The following TBL1XR1 variants were observed in gnomAD, a reference collection of about 807,000 sequenced individuals.
TBL1XR1 encodes F-box-like/WD repeat-containing protein TBL1XR1.
In TBL1XR1, 5 loss-of-function variants were observed where a neutral mutation model predicts 66.9. The observed-to-expected ratio is 0.07, with a 90% confidence interval of 0.04 to 0.16. The LOEUF (loss-of-function observed/expected upper bound fraction) is 0.16. Ranked by LOEUF, TBL1XR1 falls within the 10% of genes least tolerant of loss-of-function variation. The pLI is 1.00. For missense variants in TBL1XR1, 238 were observed against 623.2 expected (o/e 0.38, Z 6.58); for synonymous variants, 210 against 206.0 (o/e 1.02, Z -0.17).
intron 1 of TBL1XR1, among the ~76,000 whole-genome samples, chr3:177,137,980 T>C (rs1435973717): frequency 6.6e-6 from 1 of 151,858 alleles, no homozygotes; most frequent in Non-Finnish European, 1.5e-5. Flanking sequence ...AAAGATAAAA[T>C]GAAACAACAG....
chr3:177,084,321 C>G (rs1721860207), intron 2 of TBL1XR1, among the ~76,000 whole-genome samples: 1 of 152,156 alleles, frequency 6.6e-6, no homozygotes, highest in Admixed American at 6.5e-5. Context: ...CTTCTTCTTT[C>G]CCTTTCATAA....
At chr3:177,028,251 T>A (rs1022589555) in intron 14 of TBL1XR1, among the ~76,000 whole-genome samples, 1 of 152,176 alleles carries the variant, frequency 6.6e-6, no homozygotes, top group Non-Finnish European at 1.5e-5. Context: ...AGGATAATGA[T>A]TTTCTCCTGC....
intron 1 of TBL1XR1, among the ~76,000 whole-genome samples, chr3:177,137,137 G>A (rs1423541329): frequency 6.6e-6 from 1 of 151,904 alleles, no homozygotes; most frequent in Admixed American, 6.6e-5. Flanking sequence ...TATGGGGGGG[G>A]AAAGATGACT....
At chr3:177,187,739 G>GAAAAGAGAAACACAAAAGGTTATC (rs1227414576) in intron 1 of TBL1XR1, among the ~76,000 whole-genome samples, 2 of 145,068 alleles carry the variant, frequency 1.4e-5, no homozygotes, top group East Asian at 1.9e-4. Context: ...ACAATGAGAA[G>GAAAAGAGAAACACAAAAGGTTATC]AAAAGAGAAA....
intron 1 of TBL1XR1, among the ~76,000 whole-genome samples, chr3:177,145,619 G>C (rs1418720158): frequency 2.0e-5 from 3 of 152,174 alleles, no homozygotes; most frequent in Admixed American, 2.0e-4. Context: ...CCATGTACTT[G>C]AAAAGTGAAA....
At chr3:177,156,568 CAT>C (rs150288540) in intron 1 of TBL1XR1, among the ~76,000 whole-genome samples, 1 of 149,648 alleles carries the variant, frequency 6.7e-6, no homozygotes, top group African/African-American at 2.4e-5. Context: ...TATACACACA[CAT>C]ACATTTATAT....
chr3:177,172,743 T>C (rs1733717382), intron 1 of TBL1XR1, among the ~76,000 whole-genome samples: 1 of 150,128 alleles, frequency 6.7e-6, no homozygotes, highest in East Asian at 2.0e-4. Flanking sequence ...AGCCAAGCCA[T>C]AGTAAGTATT....
intron 1 of TBL1XR1, among the ~76,000 whole-genome samples, chr3:177,142,731 CAAT>C (rs1331496358): frequency 6.6e-6 from 1 of 152,038 alleles, no homozygotes; most frequent in Non-Finnish European, 1.5e-5. Context: ...AATAAATTTA[CAAT>C]AATAAATTAG....
At chr3:177,179,057 C>T (rs116613658) in intron 1 of TBL1XR1, among the ~76,000 whole-genome samples, 1,855 of 143,920 alleles carry the variant, frequency 0.013, 35 homozygotes, top group African/African-American at 0.048. Flanking sequence ...GTGGCAATTG[C>T]AGTGAGCCAA....
intron 1 of TBL1XR1, among the ~76,000 whole-genome samples, chr3:177,151,757 C>T (rs541917157): frequency 2.6e-5 from 4 of 152,188 alleles, no homozygotes; most frequent in East Asian, 1.9e-4. Context: ...TTTTCCCAGA[C>T]GGGCACGGTG....
chr3:177,067,295 A>G (rs1361643057), intron 2 of TBL1XR1, among the ~76,000 whole-genome samples: 5 of 152,236 alleles, frequency 3.3e-5, no homozygotes, highest in African/African-American at 9.6e-5. Flanking sequence ...AGGATTTCCC[A>G]AAATGAGATG....
intron 2 of TBL1XR1, among the ~76,000 whole-genome samples, chr3:177,081,821 A>G (rs950523353): frequency 6.6e-6 from 1 of 151,944 alleles, no homozygotes; most frequent in South Asian, 2.1e-4. Flanking sequence ...TATTGTCTTT[A>G]GTCAGTATAA....
intron 10 of TBL1XR1, among the ~76,000 whole-genome samples, chr3:177,040,481 CAT>C (rs1251973012): frequency 6.6e-6 from 1 of 152,078 alleles, no homozygotes; most frequent in Non-Finnish European, 1.5e-5. Flanking sequence ...AAAAATGAAA[CAT>C]AAACAGGTGC....
chr3:177,045,688 C>T (rs565380811), intron 10 of TBL1XR1, among the ~76,000 whole-genome samples: 3 of 152,166 alleles, frequency 2.0e-5, no homozygotes, highest in East Asian at 3.9e-4. Flanking sequence ...GGAGTCTATA[C>T]AGTATTTTCA....
chr3:177,047,457 CAAAGTAA>C, intron 8 of TBL1XR1, 22 bp downstream of exon 8: 1 of 1,609,208 alleles, frequency 6.2e-7, no homozygotes, highest in Non-Finnish European at 8.5e-7. Flanking sequence ...AGATCAACAA[CAAAGTAA>C]AAAGGAAAAT....
In TBL1XR1 at chr3:177,101,959, AT is replaced by A. The variant is rs760088212; in HGVS notation, c.-121-3419del. On this transcript the variant is annotated intron_variant, in intron 1 of 15. Transcript: ENST00000457928. ...TTGAACCCCTGTATTAACCATTAGAATTTTTTTTTTTACTTTGAAATGAACA... is the reference window on the plus strand; with the variant it reads ...TTGAACCCCTGTATTAACCATTAGAATTTTTTTTTTACTTTGAAATGAACA... Among the ~76,000 whole-genome samples the A allele has an allele frequency of 5.7e-3, 854 of 148,964 alleles. 3 individuals are homozygous for A. The highest frequency in any genetic ancestry group is 0.015 in the South Asian group (69 of 4,676).
At chr3:177,047,277 T>C in intron 9 of TBL1XR1, 23 bp downstream of exon 9, 1 of 1,534,022 alleles carries the variant, frequency 6.5e-7, no homozygotes, top group South Asian at 1.2e-5. Context: ...CATTTGCCTT[T>C]ACAGAACTTA....
intron 1 of TBL1XR1, chr3:177,120,638 T>C (rs1288924594): frequency 6.6e-6 from 1 of 152,172 alleles, no homozygotes; most frequent in African/African-American, 2.4e-5. Flanking sequence ...AAACTTCCTT[T>C]TCGCAGCTTT....
At chr3:177,173,119 G>A (rs111542308) in intron 1 of TBL1XR1, among the ~76,000 whole-genome samples, 1,575 of 152,166 alleles carry the variant, frequency 0.01, 30 homozygotes, top group African/African-American at 0.036. Context: ...CCTGGGAGGC[G>A]GGGGCTGCAG....
Sources: allele counts gnomAD v4.1 joint callset (sites outside exome capture counted in the v4.1 genomes callset), GRCh38; gene constraint gnomAD v4.1.1; transcripts MANE v1.5; gene names NCBI Gene and HGNC (gene_info 2026-07-23, HGNC 2026-07-21).